Variants in PLCB1 observed in about 807,000 individuals in gnomAD.
The protein encoded by PLCB1 is phospholipase C beta 1.
PLCB1 carries 46 observed loss-of-function variants against 161.8 expected under a neutral mutation model. The observed-to-expected ratio is 0.28, with a 90% CI of 0.22 to 0.36. The LOEUF (loss-of-function observed/expected upper bound fraction) is 0.36, where lower values mean the gene tolerates loss of function less well. Among genes scored for constraint, PLCB1 ranks in the 10% least tolerant of loss-of-function variants. The probability of loss-of-function intolerance (pLI) is 1.00; values close to 1 mark genes in which losing one functional copy is unlikely to be tolerated. For synonymous variants in PLCB1, 517 were observed against 503.7 expected (o/e 1.03, Z -0.35); for missense variants, 1,016 against 1,472.5 (o/e 0.69, Z 5.07).
chr20:8,705,691 C>G (rs1042563338), intron 11 of PLCB1, among the ~76,000 whole-genome samples: 1 of 152,058 alleles, frequency 6.6e-6, no homozygotes, highest in Non-Finnish European at 1.5e-5. Flanking sequence ...ACTGAAGGAA[C>G]AAAGTGCAAA....
intron 3 of PLCB1, among the ~76,000 whole-genome samples, chr20:8,625,607 A>C (rs142305721): frequency 6.6e-6 from 1 of 152,364 alleles, no homozygotes; most frequent in East Asian, 1.9e-4. Flanking sequence ...TACATACTTT[A>C]AATTCTCTGT....
chr20:8,624,269 A>C (rs770696295), intron 3 of PLCB1, among the ~76,000 whole-genome samples: 8 of 152,212 alleles, frequency 5.3e-5, no homozygotes, highest in Non-Finnish European at 8.8e-5. Flanking sequence ...CAGATTGAGA[A>C]TATTGCATTA....
intron 3 of PLCB1, among the ~76,000 whole-genome samples, chr20:8,399,029 A>C (rs935000542): frequency 6.7e-6 from 1 of 149,410 alleles, no homozygotes; most frequent in Non-Finnish European, 1.5e-5. Flanking sequence ...TTTGAGTCAC[A>C]GTTAGTAAGT....
chr20:8,235,093 G>C (rs1415830355), intron 2 of PLCB1, among the ~76,000 whole-genome samples: 1 of 152,046 alleles, frequency 6.6e-6, no homozygotes, highest in Non-Finnish European at 1.5e-5. Context: ...GGGTTAAACT[G>C]TTTATTGGAC....
chr20:8,467,666 A>G (rs1981877916), intron 3 of PLCB1, among the ~76,000 whole-genome samples: 1 of 152,112 alleles, frequency 6.6e-6, no homozygotes, highest in South Asian at 2.1e-4. Flanking sequence ...GGTAATCTGT[A>G]CTTTATTTCT....
chr20:8,527,851 G>A (rs73598282), intron 3 of PLCB1, among the ~76,000 whole-genome samples: 2,279 of 152,054 alleles, frequency 0.015, 78 homozygotes, highest in East Asian at 0.15. Flanking sequence ...AGACCTTTGG[G>A]AAATTAAAAA....
At chr20:8,226,749 G>A (rs535274638) in intron 2 of PLCB1, among the ~76,000 whole-genome samples, 206 of 151,160 alleles carry the variant, frequency 1.4e-3, no homozygotes, top group African/African-American at 4.7e-3. Flanking sequence ...GTGCAGTGGC[G>A]CAATCTCGGC....
chr20:8,215,135 A>T (rs1009897902), intron 2 of PLCB1, among the ~76,000 whole-genome samples: 8 of 152,006 alleles, frequency 5.3e-5, no homozygotes, highest in Non-Finnish European at 1.2e-4. Context: ...TGAGAAGATT[A>T]TTTTGTTGTT....
intron 2 of PLCB1, among the ~76,000 whole-genome samples, chr20:8,236,882 T>G (rs1980356444): frequency 6.6e-6 from 1 of 152,058 alleles, no homozygotes; most frequent in Admixed American, 6.6e-5. Flanking sequence ...AGAAAGTTAT[T>G]AATTTCAGCA....
chr20:8,662,188 T>TTTATTATATAATTCTATATTATATATAA (rs1568551271), intron 9 of PLCB1, among the ~76,000 whole-genome samples: 29 of 78,736 alleles, frequency 3.7e-4, no homozygotes, highest in Non-Finnish European at 5.7e-4. Flanking sequence ...TATATAATTA[T>TTTATTATATAATTCTATATTATATATAA]TTATTATATA....
intron 2 of PLCB1, among the ~76,000 whole-genome samples, chr20:8,308,618 C>CAAAAAAAAAAAAAA (rs71183088): frequency 1.4e-5 from 1 of 73,614 alleles, no homozygotes. Context: ...TTCCGTATAT[C>CAAAAAAAAAAAAAA]AAAAAAAAAA....
Position 8,132,504 on chromosome 20 carries a change from G to A in PLCB1, c.-148G>A, listed in dbSNP as rs921899935. ...GAGCGGCGCCGGAGGGAGGTGCGGA[G>A]GCCGGGAGGCCGGGGAGGCCGGCGG... On this transcript the variant is annotated 5_prime_UTR_variant, in exon 1 of 32. Transcript: ENST00000338037. This position sits in a 1 kb window ranked among gnomAD's most constrained non-coding sequence, Gnocchi z 5.2. The A allele has an allele frequency of 2.2e-5, 9 of 406,338 alleles. No individual in the cohort carries two copies. The South Asian group carries it at 3.3e-4, about 15-fold the overall frequency. The allele number at this position is 406,338 out of a possible 1,614,324, so 25.2% of individuals were successfully genotyped here. A position where few individuals can be genotyped will look rare whatever the true frequency, so the allele number is the denominator to read the frequency against.
intron 2 of PLCB1, among the ~76,000 whole-genome samples, chr20:8,276,930 T>TTCTTCTTCC (rs1982580936): frequency 4.9e-5 from 1 of 20,594 alleles, no homozygotes; most frequent in Non-Finnish European, 1.4e-4. Flanking sequence ...TCTTCTTTTC[T>TTCTTCTTCC]TCTTCTTCTT....
At chr20:8,733,876 C>T (rs1980427376) in intron 19 of PLCB1, among the ~76,000 whole-genome samples, 1 of 149,286 alleles carries the variant, frequency 6.7e-6, no homozygotes, top group Non-Finnish European at 1.5e-5. Flanking sequence ...AATCCCAGCA[C>T]TTTGGGAGGC....
rs771637098 is a variant in PLCB1 at position 8,724,784 on chromosome 20, C to T, written c.1678+32C>T. On this transcript the variant is annotated intron_variant, in intron 16 of 31. Transcript: ENST00000338037. ...TTTCCCTGGAGAAAAACCCCTCTTG[C>T]AGCATATAATGATTATATTTTAAAT... 4 of 1,123,832 alleles carry T rather than the reference C, an allele frequency of 3.6e-6. No individual in the cohort carries two copies. In the African/African-American group the frequency reaches 6.1e-5, roughly 17 times the overall value. 69.6% of individuals were successfully genotyped at this position (1,123,832 alleles called of 1,614,324 possible). A position where few individuals can be genotyped will look rare whatever the true frequency, so the allele number is the denominator to read the frequency against.
chr20:8,271,288 T>C (rs1386177915), intron 2 of PLCB1, among the ~76,000 whole-genome samples: 1 of 152,108 alleles, frequency 6.6e-6, no homozygotes, highest in Non-Finnish European at 1.5e-5. Context: ...GATTTTGTAA[T>C]ATGAGAATTT....
intron 2 of PLCB1, among the ~76,000 whole-genome samples, chr20:8,289,736 A>G (rs1231065439): frequency 2.0e-5 from 3 of 152,216 alleles, no homozygotes; most frequent in East Asian, 1.9e-4. Flanking sequence ...AAGTCTATAC[A>G]CTGCCCCAGG....
At chr20:8,715,666 A>C (rs756841900) in intron 12 of PLCB1, among the ~76,000 whole-genome samples, 2 of 152,062 alleles carry the variant, frequency 1.3e-5, no homozygotes. Context: ...GGTGCCTGCT[A>C]CTTTTATCTT....
intron 3 of PLCB1, among the ~76,000 whole-genome samples, chr20:8,575,610 T>C (rs1986652386): frequency 6.6e-6 from 1 of 152,232 alleles, no homozygotes; most frequent in Non-Finnish European, 1.5e-5. Context: ...GACAGGTTTA[T>C]TTCACTGTAA....
Sources: allele counts gnomAD v4.1 joint callset (sites outside exome capture counted in the v4.1 genomes callset), GRCh38; gene constraint gnomAD v4.1.1; non-coding constraint Gnocchi (gnomAD v3.1); transcripts MANE v1.5; gene names NCBI Gene and HGNC (gene_info 2026-07-23, HGNC 2026-07-21).